The following ATP11C variants were observed in gnomAD, a reference collection of about 807,000 sequenced individuals.
The protein encoded by ATP11C is ATPase phospholipid transporting 11C (ATP11C blood group).
ATP11C carries 36 observed loss-of-function variants against 97.4 expected under a neutral mutation model. The ratio of observed to expected loss-of-function variants is 0.37; its 90% CI spans 0.28 to 0.49. ATP11C has a LOEUF of 0.49. ATP11C is among the 20% of genes least tolerant of loss of function. The pLI is 0.98. For missense variants in ATP11C, 730 were observed against 824.6 expected (o/e 0.89, Z 1.40); for synonymous variants, 275 against 290.9 (o/e 0.95, Z 0.56).
chrX:139,875,976 T>G (rs1276432985), intron 1 of ATP11C, among the ~76,000 whole-genome samples: 1 of 112,079 alleles, frequency 8.9e-6, no homozygotes, highest in Non-Finnish European at 1.9e-5. Flanking sequence ...TCATTCTTCC[T>G]GTCAAGCTGA....
intron 1 of ATP11C, among the ~76,000 whole-genome samples, chrX:139,849,293 T>C (rs2083955266): frequency 8.9e-6 from 1 of 111,921 alleles, no homozygotes; most frequent in Admixed American, 9.5e-5. Flanking sequence ...CCACTTCATC[T>C]CTACTTTGTA....
intron 1 of ATP11C, among the ~76,000 whole-genome samples, chrX:139,867,162 G>A (rs773242256): frequency 8.9e-6 from 1 of 111,989 alleles, no homozygotes; most frequent in Admixed American, 9.5e-5. Flanking sequence ...TTCACTAAGT[G>A]CCTACTACAT....
intron 19 of ATP11C, among the ~76,000 whole-genome samples, 163 bp downstream of exon 19, chrX:139,774,527 G>A (rs2082312465): frequency 8.9e-6 from 1 of 111,964 alleles, no homozygotes; most frequent in Non-Finnish European, 1.9e-5. Context: ...AATAATCTCA[G>A]ATGGGCCATT....
intron 22 of ATP11C, among the ~76,000 whole-genome samples, chrX:139,760,875 C>A (rs985678512): frequency 1.2e-4 from 13 of 111,901 alleles, no homozygotes; most frequent in South Asian, 3.7e-4. Context: ...ATGTATTATA[C>A]CAATACGTAC....
At chrX:139,848,909 T>C (rs1444384123) in intron 1 of ATP11C, among the ~76,000 whole-genome samples, 1 of 112,275 alleles carries the variant, frequency 8.9e-6, no homozygotes, top group Non-Finnish European at 1.9e-5. Flanking sequence ...AGAACAGTTT[T>C]GGTAAAACCA....
intron 24 of ATP11C, among the ~76,000 whole-genome samples, chrX:139,749,740 G>C (rs2081770092): frequency 8.9e-6 from 1 of 111,774 alleles, no homozygotes; most frequent in African/African-American, 3.2e-5. Context: ...AAAATATCAT[G>C]TCTTCCCATG....
intron 1 of ATP11C, among the ~76,000 whole-genome samples, chrX:139,845,275 T>C (rs2083892174): frequency 1.8e-5 from 2 of 112,042 alleles, no homozygotes; most frequent in South Asian, 7.6e-4. Flanking sequence ...CTGTGTTTGA[T>C]TTAGTGACCA....
rs189064252 is a variant in ATP11C at position 139,854,763 on chromosome X, A to G, written c.28-27940T>C. Among the ~76,000 whole-genome samples, 8 of 112,502 alleles carry G rather than the reference A, an allele frequency of 7.1e-5. No individual in the cohort carries two copies. In the East Asian group the frequency reaches 1.9e-3, roughly 27 times the overall value. ...TTCAGTAAAAGGATTATAAGGAGGC[A>G]TAAGAATGTGGATTTTTACCTACAT... On this transcript the variant is annotated intron_variant, in intron 1 of 29. Transcript: ENST00000682941.
At chrX:139,904,782 T>C (rs559171284) in intron 1 of ATP11C, among the ~76,000 whole-genome samples, 11 of 110,812 alleles carry the variant, frequency 9.9e-5, no homozygotes, top group African/African-American at 3.3e-4. Context: ...GAGCATTCCA[T>C]ATAGTGGGAA....
At chrX:139,835,257 C>T (rs1483051718) in intron 1 of ATP11C, among the ~76,000 whole-genome samples, 8 of 111,772 alleles carry the variant, frequency 7.2e-5, no homozygotes, top group African/African-American at 2.6e-4. Context: ...TAAAGAGAGG[C>T]AAGAAACCAG....
intron 1 of ATP11C, among the ~76,000 whole-genome samples, chrX:139,894,840 A>G (rs952977174): frequency 4.5e-5 from 5 of 111,850 alleles, no homozygotes; most frequent in African/African-American, 1.6e-4. Context: ...AATCATAAAT[A>G]AAATCACATT....
Position 139,752,966 on chromosome X carries a change from G to A in ATP11C, c.2701-2814C>T, listed in dbSNP as rs1319058963. Among the ~76,000 whole-genome samples, 3 of 111,722 alleles carry A rather than the reference G, an allele frequency of 2.7e-5. No homozygotes were observed. The Admixed American group carries it at 2.8e-4, about 11-fold the overall frequency. ...AAATAGTAAAAAGGCAAATTCAAGA[G>A]AAAGAGACCAGTCATTCCCATTGAG... On this transcript the variant is annotated intron_variant, in intron 23 of 29. Transcript: ENST00000682941.
intron 28 of ATP11C, chrX:139,732,310 A>AATACT: frequency 4.7e-6 from 1 of 211,370 alleles, no homozygotes; most frequent in South Asian, 6.3e-5. Flanking sequence ...AAAATGACAA[A>AATACT]ATACTCTAAG....
In ATP11C at chrX:139,848,091, C is replaced by T. The variant is rs1471105452; in HGVS notation, c.28-21268G>A. On this transcript the variant is annotated intron_variant, in intron 1 of 29. Coordinates refer to ENST00000682941, the MANE Select transcript of ATP11C (RefSeq NM_001353812.2). ...GCCATCATCTGATGAAATCTGAACA[C>T]ACCATCTTATAGTTCTCAGACTTCT... is the stretch of plus-strand genomic sequence containing the variant. Among the ~76,000 whole-genome samples, 5 of 111,697 alleles carry T rather than the reference C, an allele frequency of 4.5e-5. No homozygotes were observed. In the East Asian group the frequency reaches 1.4e-3, roughly 32 times the overall value.
chrX:139,933,428 C>G (rs1042387448), upstream of ATP11C, among the ~76,000 whole-genome samples: 9 of 112,215 alleles, frequency 8.0e-5, no homozygotes, highest in Non-Finnish European at 1.5e-4. Flanking sequence ...CCTCTACACC[C>G]TCGGCCCCCA....
rs893651456 is a variant in ATP11C at position 139,753,331 on chromosome X, C to A, written c.2701-3179G>T. ...ACTAAGAAAATCACTCAAAACCATACAACAACATGGAAATTAAACAACCTG... is the reference window on the plus strand; with the variant it reads ...ACTAAGAAAATCACTCAAAACCATAAAACAACATGGAAATTAAACAACCTG... On this transcript the variant is annotated intron_variant, in intron 23 of 29. Transcript: ENST00000682941. 4.5e-5 allele frequency among the ~76,000 whole-genome samples: 5 copies of A among 111,798 alleles called. No individual in the cohort carries two copies. In the South Asian group the frequency reaches 1.9e-3, roughly 42 times the overall value.
intron 2 of ATP11C, among the ~76,000 whole-genome samples, chrX:139,819,978 G>C (rs1264672245): frequency 8.0e-5 from 9 of 111,855 alleles, no homozygotes; most frequent in Non-Finnish European, 1.7e-4. Context: ...CTGAAGTCAG[G>C]AGTTTGAGAC....
At chrX:139,908,377 T>A (rs545665947) in intron 1 of ATP11C, among the ~76,000 whole-genome samples, 45 of 112,465 alleles carry the variant, frequency 4.0e-4, no homozygotes, top group Middle Eastern at 4.6e-3. Context: ...TATCTCTGTA[T>A]CCTATTCATT....
chrX:139,786,181 T>C (rs1203243014), intron 15 of ATP11C, among the ~76,000 whole-genome samples: 1 of 111,526 alleles, frequency 9.0e-6, no homozygotes, highest in African/African-American at 3.3e-5. Flanking sequence ...AACTAATCAA[T>C]GGAGAGACAC....
Sources: allele counts gnomAD v4.1 joint callset (sites outside exome capture counted in the v4.1 genomes callset), GRCh38; gene constraint gnomAD v4.1.1; transcripts MANE v1.5; gene names NCBI Gene and HGNC (gene_info 2026-07-23, HGNC 2026-07-21).